PSMA1: variants seen among roughly 807,000 people sequenced by gnomAD.
The protein encoded by PSMA1 is proteasome subunit alpha type-1.
In PSMA1, 3 loss-of-function variants were observed where a neutral mutation model predicts 38.4. That is an observed-to-expected ratio of 0.08 (90% CI 0.04 to 0.20). The LOEUF (loss-of-function observed/expected upper bound fraction) is 0.20. Ranked by LOEUF, PSMA1 falls within the 10% of genes least tolerant of loss-of-function variation. The pLI, the probability that PSMA1 is intolerant of heterozygous loss-of-function variation, is 1.00. For missense variants in PSMA1, 227 were observed against 325.3 expected, an observed-to-expected ratio of 0.70 and a Z score of 2.32; for synonymous variants, 101 against 107.1, an observed-to-expected ratio of 0.94 and a Z score of 0.35.
intron 2 of PSMA1, among the ~76,000 whole-genome samples, chr11:14,537,429 C>T (rs564633414): frequency 4.6e-4 from 70 of 152,108 alleles, no homozygotes; most frequent in African/African-American, 1.3e-3. Flanking sequence ...ACAAATCAAA[C>T]GCATACTGCA....
At chr11:14,626,808 T>C (rs555127297) in intron 1 of PSMA1, among the ~76,000 whole-genome samples, 159 of 152,310 alleles carry the variant, frequency 1.0e-3, no homozygotes, top group Non-Finnish European at 1.9e-3. Flanking sequence ...TCCTGATATA[T>C]GACAGATGTA....
chr11:14,572,741 A>T lies in PSMA1; in HGVS notation c.21+38225T>A, dbSNP rs541425713. 2.6e-5 allele frequency among the ~76,000 whole-genome samples: 4 copies of T among 152,150 alleles called. No individual in the cohort carries two copies. The East Asian group carries it at 5.8e-4, about 22-fold the overall frequency. ...GAATCCAGGAGCTGGTTTTTTGAAA[A>T]GATCAACAAAACTGATAGACTGATA... On this transcript the variant is annotated intron_variant, in intron 2 of 10. Coordinates refer to the PSMA1 transcript ENST00000418988.
chr11:14,546,561 C>T (rs1402858062), intron 2 of PSMA1, among the ~76,000 whole-genome samples: 2 of 152,022 alleles, frequency 1.3e-5, no homozygotes, highest in African/African-American at 2.4e-5. Context: ...CCTCAGCCTC[C>T]CAAGTAGCTA....
chr11:14,577,386 T>A (rs746186424), intron 2 of PSMA1, among the ~76,000 whole-genome samples: 3 of 151,992 alleles, frequency 2.0e-5, no homozygotes, highest in Non-Finnish European at 2.9e-5. Flanking sequence ...ATAAAGAACA[T>A]GCTTTAATAC....
chr11:14,631,859 G>T (rs1277327269), intron 1 of PSMA1, among the ~76,000 whole-genome samples: 3 of 150,100 alleles, frequency 2.0e-5, no homozygotes, highest in South Asian at 2.1e-4. Flanking sequence ...CCTGTATTGG[G>T]TGCATATATA....
At chr11:14,599,778 C>T (rs752310574) in intron 2 of PSMA1, among the ~76,000 whole-genome samples, 11 of 152,132 alleles carry the variant, frequency 7.2e-5, no homozygotes, top group Non-Finnish European at 1.6e-4. Flanking sequence ...AGCTTTGTTC[C>T]GTTGCTGGCT....
intron 8 of PSMA1, among the ~76,000 whole-genome samples, chr11:14,509,693 G>T (rs1420417676): frequency 6.6e-6 from 1 of 150,796 alleles, no homozygotes; most frequent in African/African-American, 2.4e-5. Flanking sequence ...GAGCCACTGC[G>T]GCTGGCCCAC....
At chr11:14,639,394 C>A (rs1853170091) in intron 1 of PSMA1, among the ~76,000 whole-genome samples, 1 of 151,844 alleles carries the variant, frequency 6.6e-6, no homozygotes, top group Non-Finnish European at 1.5e-5. Context: ...CTAATAAAGC[C>A]AAAAATCAAA....
chr11:14,608,930 T>A (rs1252921603), intron 2 of PSMA1, among the ~76,000 whole-genome samples: 1 of 152,016 alleles, frequency 6.6e-6, no homozygotes, highest in East Asian at 1.9e-4. Context: ...AGTTAAAGTT[T>A]AAAAAAATTA....
intron 2 of PSMA1, among the ~76,000 whole-genome samples, chr11:14,551,918 T>C (rs1449362200): frequency 6.6e-6 from 1 of 152,252 alleles, no homozygotes; most frequent in Non-Finnish European, 1.5e-5. Context: ...ATCCTCTCTA[T>C]ATTTTCCTCT....
At chr11:14,569,138 G>T (rs569579955) in intron 2 of PSMA1, among the ~76,000 whole-genome samples, 1 of 152,142 alleles carries the variant, frequency 6.6e-6, no homozygotes, top group Non-Finnish European at 1.5e-5. Context: ...CAGAAAATTG[G>T]TTTTTCTTTT....
intron 2 of PSMA1, among the ~76,000 whole-genome samples, chr11:14,574,850 A>T (rs1430812550): frequency 6.6e-6 from 1 of 152,182 alleles, no homozygotes; most frequent in Admixed American, 6.5e-5. Context: ...GCAATGTGAG[A>T]ATGGACTTAT....
intron 1 of PSMA1, among the ~76,000 whole-genome samples, chr11:14,612,405 T>G (rs1852720337): frequency 6.6e-6 from 1 of 152,204 alleles, no homozygotes. Flanking sequence ...ATTGAAAGTA[T>G]GATCATATAT....
chr11:14,542,566 T>C (rs1302940757), intron 2 of PSMA1, among the ~76,000 whole-genome samples: 1 of 152,176 alleles, frequency 6.6e-6, no homozygotes, highest in African/African-American at 2.4e-5. Context: ...TGCCAGACAA[T>C]GGCTTCCTTT....
intron 1 of PSMA1, among the ~76,000 whole-genome samples, chr11:14,628,638 T>C (rs1003314340): frequency 6.8e-4 from 100 of 146,926 alleles, no homozygotes; most frequent in African/African-American, 2.4e-3. Context: ...CGTGTGCATG[T>C]GTCTTTATAG....
At chr11:14,505,270 G>C (rs1289952887) in intron 9 of PSMA1, 22 bp from the exon 10 acceptor site, 2 of 1,600,216 alleles carry the variant, frequency 1.2e-6, no homozygotes, top group East Asian at 4.5e-5. Context: ...AAGAAAAAAA[G>C]AAAATATGTA....
chr11:14,604,526 G>A (rs1307818857), intron 2 of PSMA1, among the ~76,000 whole-genome samples: 2 of 152,186 alleles, frequency 1.3e-5, no homozygotes, highest in Non-Finnish European at 2.9e-5. Context: ...AAGGTAGTTA[G>A]AAGTTAGATT....
intron 2 of PSMA1, among the ~76,000 whole-genome samples, chr11:14,547,776 G>A (rs1851842689): frequency 6.6e-6 from 1 of 152,168 alleles, no homozygotes; most frequent in Non-Finnish European, 1.5e-5. Flanking sequence ...TCCAGGGATC[G>A]ATGGAGGGAG....
intron 2 of PSMA1, among the ~76,000 whole-genome samples, chr11:14,533,846 G>A (rs1851675376): frequency 6.6e-6 from 1 of 152,052 alleles, no homozygotes; most frequent in Admixed American, 6.6e-5. Flanking sequence ...ATACTTGCTT[G>A]AATGGGAGAA....
Sources: allele counts gnomAD v4.1 joint callset (sites outside exome capture counted in the v4.1 genomes callset), GRCh38; gene constraint gnomAD v4.1.1; transcripts MANE v1.5; gene names NCBI Gene and HGNC (gene_info 2026-07-23, HGNC 2026-07-21).